ZNF385B: variants seen among roughly 807,000 people sequenced by gnomAD.
ZNF385B encodes zinc finger protein 385B.
ZNF385B carries 23 observed loss-of-function variants against 39.2 expected under a neutral mutation model. The observed-to-expected ratio is 0.59, with a 90% CI of 0.42 to 0.83. The LOEUF is 0.83. ZNF385B is among the 40% of genes least tolerant of loss of function. The pLI, the probability that ZNF385B is intolerant of heterozygous loss-of-function variation, is 0.00. For synonymous variants in ZNF385B, 205 were observed against 222.6 expected (o/e 0.92, Z 0.70); for missense variants, 552 against 598.9 (o/e 0.92, Z 0.82).
chr2:179,844,237 CT>C, intron 1 of ZNF385B, among the ~76,000 whole-genome samples: 1 of 152,124 alleles, frequency 6.6e-6, no homozygotes, highest in East Asian at 1.9e-4. Flanking sequence ...TTCTCTTGAC[CT>C]ATTTCTTCAT....
intron 6 of ZNF385B, among the ~76,000 whole-genome samples, chr2:179,469,659 A>G (rs1363181777): frequency 6.6e-6 from 1 of 152,200 alleles, no homozygotes; most frequent in East Asian, 1.9e-4. Flanking sequence ...TAGGAGAGTT[A>G]GAGTCCCTCC....
intron 3 of ZNF385B, among the ~76,000 whole-genome samples, chr2:179,684,059 T>C (rs1045457484): frequency 2.0e-5 from 3 of 152,188 alleles, no homozygotes; most frequent in Admixed American, 2.0e-4. Flanking sequence ...AAGATGGACC[T>C]TGGAGCCGTC....
At chr2:179,584,100 C>T (rs761746415) in intron 3 of ZNF385B, 18 of 474,446 alleles carry the variant, frequency 3.8e-5, no homozygotes, top group Non-Finnish European at 6.2e-5. Flanking sequence ...TAGGTAATTA[C>T]ATTAGAGCAG....
intron 3 of ZNF385B, among the ~76,000 whole-genome samples, chr2:179,596,953 G>C (rs937670153): frequency 6.6e-6 from 1 of 152,080 alleles, no homozygotes; most frequent in African/African-American, 2.4e-5. Context: ...ATCTTTCACA[G>C]GTTCTCTTTT....
chr2:179,667,956 AGTCT>A (rs1695393536), intron 3 of ZNF385B, among the ~76,000 whole-genome samples: 1 of 152,216 alleles, frequency 6.6e-6, no homozygotes, highest in African/African-American at 2.4e-5. Flanking sequence ...AGTTGGCCTG[AGTCT>A]GTCTATTCCT....
intron 5 of ZNF385B, among the ~76,000 whole-genome samples, chr2:179,489,555 T>C (rs1389580194): frequency 6.6e-6 from 1 of 152,214 alleles, no homozygotes. Context: ...TAGTTAAACA[T>C]ACTAAGAAAC....
chr2:179,533,880 A>G (rs1229331161), intron 4 of ZNF385B, among the ~76,000 whole-genome samples: 4 of 152,230 alleles, frequency 2.6e-5, no homozygotes. Flanking sequence ...ATGACAATGT[A>G]TCATAGGGAC....
At chr2:179,659,321 A>G (rs1049834926) in intron 3 of ZNF385B, among the ~76,000 whole-genome samples, 1 of 152,134 alleles carries the variant, frequency 6.6e-6, no homozygotes, top group African/African-American at 2.4e-5. Context: ...AAGCCCTAAA[A>G]TTTCACTAGT....
intron 1 of ZNF385B, among the ~76,000 whole-genome samples, chr2:179,813,060 T>C (rs977305268): frequency 2.0e-5 from 3 of 152,200 alleles, no homozygotes; most frequent in Non-Finnish European, 2.9e-5. Context: ...ATTAGTCACA[T>C]TTAAAAATAT....
intron 3 of ZNF385B, among the ~76,000 whole-genome samples, chr2:179,661,412 C>G (rs145789111): frequency 5.9e-5 from 9 of 152,324 alleles, no homozygotes; most frequent in Admixed American, 5.9e-4. Flanking sequence ...TCCTGGGTCT[C>G]CAGCTTGCAG....
chr2:179,700,447 T>A (rs899296973), intron 3 of ZNF385B, among the ~76,000 whole-genome samples: 2 of 150,218 alleles, frequency 1.3e-5, no homozygotes, highest in Non-Finnish European at 3.0e-5. Flanking sequence ...ATATGCTATG[T>A]GCCAGGGGCT....
At chr2:179,537,314 A>T (rs1257021098) in intron 4 of ZNF385B, among the ~76,000 whole-genome samples, 12 of 141,768 alleles carry the variant, frequency 8.5e-5, no homozygotes, top group Non-Finnish European at 1.5e-4. Flanking sequence ...AAAAAAAAAA[A>T]AATAAATAAA....
At chr2:179,532,811 C>T (rs1210166811) in intron 4 of ZNF385B, among the ~76,000 whole-genome samples, 3 of 152,170 alleles carry the variant, frequency 2.0e-5, no homozygotes, top group African/African-American at 7.2e-5. Flanking sequence ...AACAATATCA[C>T]AATGTCAGTT....
rs577748235 is a variant in ZNF385B, at chr2:179,745,136, A to C, written c.298+24367T>G. Among the ~76,000 whole-genome samples the C allele has an allele frequency of 9.2e-5, 14 of 152,288 alleles. No individual in the cohort carries two copies. In the South Asian group the frequency reaches 2.7e-3, roughly 29 times the overall value. ...TAATTTCCTCCCATTCTCATTCGGCACACAGTCGTTAGAAATTAATTACTG... is the reference window on the plus strand; with the variant it reads ...TAATTTCCTCCCATTCTCATTCGGCCCACAGTCGTTAGAAATTAATTACTG... On this transcript the variant is annotated intron_variant, in intron 3 of 9. Transcript: ENST00000410066.
chr2:179,589,870 T>C (rs1322005232), intron 3 of ZNF385B, among the ~76,000 whole-genome samples: 1 of 152,246 alleles, frequency 6.6e-6, no homozygotes, highest in Non-Finnish European at 1.5e-5. Context: ...ATTACTAGTC[T>C]GAAACCTACT....
intron 1 of ZNF385B, among the ~76,000 whole-genome samples, chr2:179,782,127 G>A (rs756271598): frequency 4.6e-5 from 7 of 152,048 alleles, no homozygotes; most frequent in African/African-American, 7.2e-5. Context: ...TTCAAAAAGC[G>A]AATCTACCAT....
At chr2:179,629,894 C>A (rs1691033581) in intron 3 of ZNF385B, among the ~76,000 whole-genome samples, 4 of 152,240 alleles carry the variant, frequency 2.6e-5, no homozygotes, top group Admixed American at 2.6e-4. Context: ...GTCCCACACC[C>A]ATGGAGCCTT....
In ZNF385B at chr2:179,756,162, T is replaced by TGTAAC. The variant is rs1559165128; in HGVS notation, c.298+13340_298+13341insGTTAC. Reference sequence around the variant, plus strand: ...TTAGTGCTTCCTTCAGGAGCTCTTTTAGGGCAGGCCTGGTGGTGACAAAAT... The same window carrying TGTAAC: ...TTAGTGCTTCCTTCAGGAGCTCTTTTGTAACAGGGCAGGCCTGGTGGTGACAAAAT... On this transcript the variant is annotated intron_variant, in intron 3 of 9. Coordinates refer to ENST00000410066, the MANE Select transcript of ZNF385B (RefSeq NM_152520.6). Among the ~76,000 whole-genome samples, 3 of 152,186 alleles carry TGTAAC rather than the reference T, an allele frequency of 2.0e-5. No individual in the cohort carries two copies. In the East Asian group the frequency reaches 5.8e-4, roughly 29 times the overall value.
chr2:179,496,217 AT>A (rs2056187490), intron 5 of ZNF385B, among the ~76,000 whole-genome samples: 1 of 152,238 alleles, frequency 6.6e-6, no homozygotes, highest in Non-Finnish European at 1.5e-5. Flanking sequence ...GAGTTCTTTA[AT>A]AGCAGAATTG....
Sources: allele counts gnomAD v4.1 joint callset (sites outside exome capture counted in the v4.1 genomes callset), GRCh38; gene constraint gnomAD v4.1.1; transcripts MANE v1.5; gene names NCBI Gene and HGNC (gene_info 2026-07-23, HGNC 2026-07-21).